PHACTR3: variants seen among roughly 807,000 people sequenced by gnomAD.
PHACTR3 encodes protein phosphatase 1, regulatory subunit 123.
In PHACTR3, 16 loss-of-function variants were observed where a neutral mutation model predicts 66.8. The ratio of observed to expected loss-of-function variants is 0.24; its 90% CI spans 0.16 to 0.36. The LOEUF (loss-of-function observed/expected upper bound fraction) is 0.36. Ranked by LOEUF, PHACTR3 falls within the 10% of genes least tolerant of loss-of-function variation. The probability of loss-of-function intolerance (pLI) is 1.00; values close to 1 mark genes in which losing one functional copy is unlikely to be tolerated. For synonymous variants in PHACTR3, 323 were observed against 292.1 expected (o/e 1.11, Z -1.08); for missense variants, 647 against 719.9 (o/e 0.90, Z 1.16).
At chr20:59,808,836 A>G (rs1472555481) in intron 8 of PHACTR3, among the ~76,000 whole-genome samples, 2 of 152,112 alleles carry the variant, frequency 1.3e-5, no homozygotes, top group African/African-American at 4.8e-5. Flanking sequence ...CAGCCAGGGA[A>G]CCATTGATGT....
intron 1 of PHACTR3, among the ~76,000 whole-genome samples, chr20:59,694,857 G>A (rs1230566029): frequency 6.6e-6 from 1 of 152,166 alleles, no homozygotes; most frequent in Non-Finnish European, 1.5e-5. Context: ...TAGTGCAGGT[G>A]CTCAGAGGGT....
intron 1 of PHACTR3, among the ~76,000 whole-genome samples, chr20:59,732,660 G>A (rs778995244): frequency 7.9e-5 from 12 of 152,104 alleles, no homozygotes; most frequent in East Asian, 1.9e-4. Flanking sequence ...GAGGTGGCTC[G>A]GGAATTGCAG....
intron 6 of PHACTR3, 113 bp from the exon 7 acceptor site, chr20:59,774,130 C>A: frequency 2.9e-6 from 4 of 1,372,848 alleles, no homozygotes; most frequent in Non-Finnish European, 3.9e-6. Flanking sequence ...ACCAAGAGGT[C>A]ACATGCATTT....
At chr20:59,777,483 C>T (rs546237593) in intron 7 of PHACTR3, among the ~76,000 whole-genome samples, 1 of 152,300 alleles carries the variant, frequency 6.6e-6, no homozygotes, top group East Asian at 1.9e-4. Flanking sequence ...GGTCCATGGC[C>T]TCCAACAGAA....
chr20:59,783,596 G>A (rs2040804978), intron 7 of PHACTR3, among the ~76,000 whole-genome samples: 8 of 152,220 alleles, frequency 5.3e-5, no homozygotes. Context: ...AGGAAAATGA[G>A]GCAAAGAGAG....
At chr20:59,841,665 G>T in intron 11 of PHACTR3, 130 bp downstream of exon 11, 1 of 949,718 alleles carries the variant, frequency 1.1e-6, no homozygotes, top group South Asian at 2.9e-5. Context: ...GTAAATATTG[G>T]TTTCTCAAAG....
chr20:59,762,131 A>T (rs2040012634), intron 4 of PHACTR3, among the ~76,000 whole-genome samples: 1 of 152,230 alleles, frequency 6.6e-6, no homozygotes, highest in African/African-American at 2.4e-5. Context: ...CCTTAGAGCC[A>T]TCAGGCAGGC....
intron 1 of PHACTR3, among the ~76,000 whole-genome samples, chr20:59,741,951 C>T (rs145591927): frequency 6.4e-4 from 97 of 152,212 alleles, no homozygotes; most frequent in African/African-American, 1.8e-3. Context: ...TTAGTAGAGA[C>T]GGGATTTCAC....
intron 1 of PHACTR3, among the ~76,000 whole-genome samples, chr20:59,705,146 G>A (rs1052376136): frequency 2.0e-5 from 3 of 151,990 alleles, no homozygotes; most frequent in African/African-American, 4.8e-5. Flanking sequence ...TGGTAGACAC[G>A]AGGTTTTGCC....
chr20:59,598,357 C>T (rs1320325066), intron 1 of PHACTR3, among the ~76,000 whole-genome samples: 1 of 152,206 alleles, frequency 6.6e-6, no homozygotes, highest in African/African-American at 2.4e-5. Flanking sequence ...TGCCCACACC[C>T]TGTAAGGTAG....
intron 1 of PHACTR3, among the ~76,000 whole-genome samples, chr20:59,661,418 G>A (rs1461576075): frequency 6.6e-6 from 1 of 152,092 alleles, no homozygotes; most frequent in Non-Finnish European, 1.5e-5. Flanking sequence ...GCTGCATCCT[G>A]GCGGCTTTGT....
At chr20:59,753,458 G>A (rs895394226) in intron 3 of PHACTR3, among the ~76,000 whole-genome samples, 1 of 152,200 alleles carries the variant, frequency 6.6e-6, no homozygotes, top group Non-Finnish European at 1.5e-5. Flanking sequence ...CCTGGGTGTG[G>A]TGAGGACTCT....
intron 1 of PHACTR3, among the ~76,000 whole-genome samples, chr20:59,686,262 G>A (rs1283631597): frequency 1.3e-5 from 2 of 152,208 alleles, no homozygotes; most frequent in East Asian, 3.9e-4. Flanking sequence ...CTGCCCACGT[G>A]TGGTCTTGGT....
chr20:59,785,104 C>A (rs1159427438), intron 7 of PHACTR3, among the ~76,000 whole-genome samples: 2 of 152,178 alleles, frequency 1.3e-5, no homozygotes, highest in Admixed American at 6.5e-5. Context: ...GTGTCAGAGT[C>A]AGCTCCAGCT....
At chr20:59,818,934 A>G (rs866901449) in intron 8 of PHACTR3, among the ~76,000 whole-genome samples, 13 of 152,044 alleles carry the variant, frequency 8.6e-5, no homozygotes, top group Middle Eastern at 6.8e-3. Flanking sequence ...CATTTTCATC[A>G]TTTCCATAAT....
At position 59,652,084 on chromosome 20, in the gene PHACTR3, C is replaced by T. The variant is rs543165306; in HGVS notation, c.118+46952C>T. ...GGTAATGTAACTTCCAGTCTAAGGG[C>T]AGGAGAAGGTCCCTATGCTAGCTCA... On this transcript the variant is annotated intron_variant, in intron 1 of 12. Coordinates refer to ENST00000371015, the MANE Select transcript of PHACTR3 (RefSeq NM_080672.5). Among the ~76,000 whole-genome samples the T allele has an allele frequency of 4.6e-5, 7 of 152,202 alleles. No homozygotes were observed. In the South Asian group the frequency reaches 1.2e-3, roughly 27 times the overall value.
intron 7 of PHACTR3, among the ~76,000 whole-genome samples, chr20:59,781,175 A>G (rs531498773): frequency 4.6e-5 from 7 of 152,330 alleles, no homozygotes; most frequent in Admixed American, 4.6e-4. Flanking sequence ...CCATCCAGAC[A>G]TGCAGTTACA....
intron 2 of PHACTR3, 96 bp from the exon 3 acceptor site, chr20:59,747,662 T>C (rs1036547839): frequency 7.1e-7 from 1 of 1,412,174 alleles, no homozygotes; most frequent in Non-Finnish European, 9.8e-7. Context: ...TCAGTGTTTT[T>C]GGTCTGTAAA....
intron 1 of PHACTR3, among the ~76,000 whole-genome samples, chr20:59,670,843 C>A (rs1025908678): frequency 6.6e-6 from 1 of 152,192 alleles, no homozygotes; most frequent in Non-Finnish European, 1.5e-5. Flanking sequence ...GAACGCCTCC[C>A]CAGTCCGGCA....
Sources: allele counts gnomAD v4.1 joint callset (sites outside exome capture counted in the v4.1 genomes callset), GRCh38; gene constraint gnomAD v4.1.1; transcripts MANE v1.5; gene names NCBI Gene and HGNC (gene_info 2026-07-23, HGNC 2026-07-21).